EXOC6: variants seen among roughly 807,000 people sequenced by gnomAD.
EXOC6 encodes exocyst complex component 6.
In EXOC6, 60 loss-of-function variants were observed where a neutral mutation model predicts 112.5. That is an observed-to-expected ratio of 0.53 (90% CI 0.43 to 0.66). The LOEUF is 0.66. Among genes scored for constraint, EXOC6 ranks in the 30% least tolerant of loss-of-function variants. EXOC6 has a pLI of 0.00. For synonymous variants in EXOC6, 295 were observed against 308.0 expected, an observed-to-expected ratio of 0.96 and a Z score of 0.44; for missense variants, 855 against 957.1, an observed-to-expected ratio of 0.89 and a Z score of 1.41.
chr10:93,022,085 G>C (rs781323952), intron 20 of EXOC6, among the ~76,000 whole-genome samples: 13 of 152,090 alleles, frequency 8.5e-5, no homozygotes, highest in East Asian at 1.9e-4. Flanking sequence ...AGCATAGAAG[G>C]CCTCTTTACA....
intron 20 of EXOC6, among the ~76,000 whole-genome samples, chr10:93,044,187 T>C (rs1219428326): frequency 6.6e-6 from 1 of 152,236 alleles, no homozygotes; most frequent in Admixed American, 6.5e-5. Flanking sequence ...TGAAACAGAC[T>C]AAGCAGCAAG....
intron 20 of EXOC6, among the ~76,000 whole-genome samples, chr10:93,053,456 G>A (rs1338002183): frequency 1.3e-5 from 2 of 152,168 alleles, no homozygotes; most frequent in African/African-American, 2.4e-5. Flanking sequence ...AAATATTAAC[G>A]CTACTTTCTC....
chr10:92,984,520 T>TTTTTG (rs200335749), intron 18 of EXOC6, among the ~76,000 whole-genome samples: 1,566 of 152,204 alleles, frequency 0.01, 35 homozygotes, highest in African/African-American at 0.036. Context: ...GCTTCTTGTT[T>TTTTTG]TTTTGTTTTG....
chr10:92,828,058 G>C (rs1846414621), intron 1 of EXOC6, among the ~76,000 whole-genome samples: 1 of 152,124 alleles, frequency 6.6e-6, no homozygotes. Context: ...CCTGTTGCTA[G>C]TATACAGATG....
intron 20 of EXOC6, among the ~76,000 whole-genome samples, chr10:93,041,315 AT>A (rs1276085314): frequency 1.3e-5 from 2 of 151,874 alleles, no homozygotes; most frequent in Non-Finnish European, 2.9e-5. Context: ...TCTCCTAATT[AT>A]TTTTTCTGCC....
At chr10:93,006,115 A>G (rs1003665970) in intron 19 of EXOC6, among the ~76,000 whole-genome samples, 3 of 152,126 alleles carry the variant, frequency 2.0e-5, no homozygotes, top group Admixed American at 6.5e-5. Flanking sequence ...AGCCGTGATC[A>G]TGCCACTGTA....
At chr10:92,938,708 G>A (rs963893445) in intron 12 of EXOC6, among the ~76,000 whole-genome samples, 3 of 152,122 alleles carry the variant, frequency 2.0e-5, no homozygotes, top group African/African-American at 7.2e-5. Flanking sequence ...CAATAGTAGA[G>A]ACATAAAAGT....
chr10:92,923,547 CTGCTGGT>C (rs1851556261), intron 8 of EXOC6, among the ~76,000 whole-genome samples: 1 of 152,166 alleles, frequency 6.6e-6, no homozygotes, highest in Non-Finnish European at 1.5e-5. Context: ...TCTATGATGG[CTGCTGGT>C]AGAAGGCCTC....
intron 1 of EXOC6, among the ~76,000 whole-genome samples, chr10:92,851,679 A>C (rs552006337): frequency 1.3e-5 from 2 of 152,150 alleles, no homozygotes; most frequent in Non-Finnish European, 2.9e-5. Flanking sequence ...CAAACAAAAA[A>C]AAAACAAAAC....
At chr10:92,979,120 T>G (rs1767423412) in intron 18 of EXOC6, among the ~76,000 whole-genome samples, 1 of 152,180 alleles carries the variant, frequency 6.6e-6, no homozygotes, top group South Asian at 2.1e-4. Flanking sequence ...TTAGTTTCAC[T>G]GAGTATTTAG....
At chr10:93,041,780 C>T (rs890241754) in intron 20 of EXOC6, among the ~76,000 whole-genome samples, 41 of 150,408 alleles carry the variant, frequency 2.7e-4, no homozygotes, top group Admixed American at 6.0e-4. Context: ...GGTGCGATCT[C>T]GGCCCACTGC....
intron 19 of EXOC6, among the ~76,000 whole-genome samples, chr10:93,011,723 G>T: frequency 6.6e-6 from 1 of 152,004 alleles, no homozygotes. Flanking sequence ...ACTAGAGAAA[G>T]GCAACTCAGC....
At chr10:92,853,944 G>A (rs1847469774) in intron 1 of EXOC6, among the ~76,000 whole-genome samples, 1 of 149,822 alleles carries the variant, frequency 6.7e-6, no homozygotes, top group South Asian at 2.1e-4. Flanking sequence ...AGCTATTGAG[G>A]TTGCAGTGAG....
intron 1 of EXOC6, among the ~76,000 whole-genome samples, chr10:92,840,492 A>G (rs1473657676): frequency 2.0e-5 from 3 of 152,176 alleles, no homozygotes; most frequent in Non-Finnish European, 4.4e-5. Flanking sequence ...TCTAGTTTCC[A>G]TTTGGGATGG....
intron 20 of EXOC6, among the ~76,000 whole-genome samples, chr10:93,035,942 C>T (rs1355327630): frequency 6.6e-6 from 1 of 152,066 alleles, no homozygotes; most frequent in African/African-American, 2.4e-5. Context: ...GCTCTCAGGC[C>T]GGGCACGGTG....
intron 20 of EXOC6, among the ~76,000 whole-genome samples, chr10:93,040,777 T>C (rs1469007112): frequency 1.3e-5 from 2 of 152,230 alleles, no homozygotes; most frequent in Non-Finnish European, 2.9e-5. Context: ...TTCTTTCTGC[T>C]GCATTTGGTA....
At position 93,059,455 on chromosome 10, in the gene EXOC6, A is replaced by G. The variant is rs913837630; in HGVS notation, c.*1100A>G. ...TATATGTACATCTCTGGATTTTGTGATGAAATATTAAAAATATTGAGCAAG... is the reference window on the plus strand; with the variant it reads ...TATATGTACATCTCTGGATTTTGTGGTGAAATATTAAAAATATTGAGCAAG... On this transcript the variant is annotated 3_prime_UTR_variant, in exon 22 of 22. Coordinates refer to ENST00000260762, the MANE Select transcript of EXOC6 (RefSeq NM_019053.6). The G allele has an allele frequency of 1.3e-5, 2 of 152,198 alleles. No individual in the cohort carries two copies. Among genetic ancestry groups the G allele is most frequent in the Non-Finnish European group, 2.9e-5 (2 of 68,042 alleles). 9.4% of individuals were successfully genotyped at this position (152,198 alleles called of 1,614,324 possible).
chr10:93,006,525 T>G (rs767372538), intron 19 of EXOC6, among the ~76,000 whole-genome samples: 1 of 152,200 alleles, frequency 6.6e-6, no homozygotes, highest in Non-Finnish European at 1.5e-5. Context: ...CAGTTGGTCC[T>G]CGAGGTTTGC....
At chr10:92,904,829 C>T (rs190511108) in intron 5 of EXOC6, among the ~76,000 whole-genome samples, 62 of 151,724 alleles carry the variant, frequency 4.1e-4, no homozygotes, top group African/African-American at 1.4e-3. Context: ...TTTTCTTTCC[C>T]TCATGCATTG....
Sources: gnomAD v4.1 joint callset for allele counts (sites outside exome capture counted in the v4.1 genomes callset) on GRCh38, gnomAD v4.1.1 for gene constraint, MANE v1.5 for transcripts, NCBI Gene and HGNC (gene_info 2026-07-23, HGNC 2026-07-21) for gene names.